Variants in ZBTB20 observed in about 807,000 individuals in gnomAD.
ZBTB20 encodes the protein zinc finger and BTB domain containing 20.
Under a neutral mutation model 56.9 loss-of-function variants are expected in ZBTB20, and 9 were observed. The observed-to-expected ratio is 0.16, with a 90% confidence interval of 0.10 to 0.28. The LOEUF (loss-of-function observed/expected upper bound fraction) is 0.28. ZBTB20 is among the 10% of genes least tolerant of loss of function. ZBTB20 has a pLI of 1.00. For missense variants in ZBTB20, 655 were observed against 1,003.0 expected (o/e 0.65, Z 4.69); for synonymous variants, 417 against 420.7 (o/e 0.99, Z 0.11).
intron 2 of ZBTB20, among the ~76,000 whole-genome samples, chr3:115,050,466 A>C (rs184667019): frequency 1.3e-5 from 2 of 152,086 alleles, no homozygotes; most frequent in African/African-American, 4.8e-5. Context: ...TGAATGAATT[A>C]AGCTCTCTTC....
chr3:114,622,133 C>T (rs1299698961), intron 6 of ZBTB20, among the ~76,000 whole-genome samples: 1 of 152,052 alleles, frequency 6.6e-6, no homozygotes, highest in Non-Finnish European at 1.5e-5. Context: ...TTGCCTTCAA[C>T]GCAGTTCTAA....
chr3:114,804,641 T>C (rs1371776439), intron 4 of ZBTB20, among the ~76,000 whole-genome samples: 1 of 151,894 alleles, frequency 6.6e-6, no homozygotes, highest in African/African-American at 2.4e-5. Flanking sequence ...TAAAAACTTT[T>C]TATTATAAAA....
intron 5 of ZBTB20, among the ~76,000 whole-genome samples, chr3:114,792,762 T>C (rs544069936): frequency 1.5e-3 from 232 of 152,308 alleles, no homozygotes; most frequent in African/African-American, 5.4e-3. Context: ...TCCATCTCTC[T>C]GTCCTGGTTT....
chr3:114,523,605 A>G (rs1368467482), intron 6 of ZBTB20, among the ~76,000 whole-genome samples: 2 of 152,216 alleles, frequency 1.3e-5, no homozygotes, highest in African/African-American at 4.8e-5. Context: ...CTAAGGCACA[A>G]TGAGGGATGG....
intron 6 of ZBTB20, among the ~76,000 whole-genome samples, chr3:114,617,274 C>T (rs1387550550): frequency 1.3e-5 from 2 of 152,198 alleles, no homozygotes; most frequent in Admixed American, 6.5e-5. Context: ...CCCTACTACA[C>T]ATAAGTGATA....
At chr3:114,826,150 G>A (rs557792229) in intron 4 of ZBTB20, among the ~76,000 whole-genome samples, 1 of 151,748 alleles carries the variant, frequency 6.6e-6, no homozygotes, top group Non-Finnish European at 1.5e-5. Context: ...GTATACTAAG[G>A]TCACAGGTGG....
chr3:114,348,676 T>G (rs1009021772), intron 11 of ZBTB20, among the ~76,000 whole-genome samples: 2 of 152,224 alleles, frequency 1.3e-5, no homozygotes, highest in African/African-American at 2.4e-5. Flanking sequence ...AAGTTCATCT[T>G]AAGCAACGTT....
chr3:115,022,612 C>G (rs1380124051), intron 2 of ZBTB20, among the ~76,000 whole-genome samples: 1 of 150,952 alleles, frequency 6.6e-6, no homozygotes, highest in African/African-American at 2.4e-5. Context: ...ATTTCTTCAC[C>G]TCCAACTCTA....
At chr3:114,443,543 G>T (rs531383724) in intron 7 of ZBTB20, among the ~76,000 whole-genome samples, 1 of 152,034 alleles carries the variant, frequency 6.6e-6, no homozygotes, top group Non-Finnish European at 1.5e-5. Context: ...ATCTTTGTAG[G>T]GAAATAATAG....
chr3:114,607,638 C>A (rs2057272422), intron 6 of ZBTB20, among the ~76,000 whole-genome samples: 1 of 152,098 alleles, frequency 6.6e-6, no homozygotes, highest in African/African-American at 2.4e-5. Context: ...CAGTATGTAT[C>A]ATGTGACAAA....
intron 3 of ZBTB20, among the ~76,000 whole-genome samples, chr3:114,967,492 T>C (rs1262117034): frequency 6.6e-6 from 1 of 152,188 alleles, no homozygotes; most frequent in Non-Finnish European, 1.5e-5. Flanking sequence ...ACAGTTTACA[T>C]TCTCCCACAC....
chr3:114,651,096 T>G (rs2107997463), intron 6 of ZBTB20, among the ~76,000 whole-genome samples: 1 of 152,216 alleles, frequency 6.6e-6, no homozygotes, highest in Admixed American at 6.5e-5. Context: ...CATCTGGCAT[T>G]GATAGACTGG....
intron 6 of ZBTB20, among the ~76,000 whole-genome samples, chr3:114,570,420 ATATAT>A (rs561015619): frequency 4.6e-5 from 7 of 150,762 alleles, no homozygotes; most frequent in Non-Finnish European, 8.9e-5. Flanking sequence ...ATACAATATG[ATATAT>A]TATAATACAT....
chr3:114,740,095 T>A (rs2066466416), intron 5 of ZBTB20, among the ~76,000 whole-genome samples: 1 of 152,236 alleles, frequency 6.6e-6, no homozygotes, highest in African/African-American at 2.4e-5. Flanking sequence ...CAGTTTTCTT[T>A]TTTAACAGCT....
intron 5 of ZBTB20, among the ~76,000 whole-genome samples, chr3:114,746,336 C>G (rs374138044): frequency 3.9e-4 from 60 of 152,148 alleles, no homozygotes; most frequent in African/African-American, 1.4e-3. Flanking sequence ...TTCCCCCATT[C>G]CCCTTTTTCT....
intron 4 of ZBTB20, among the ~76,000 whole-genome samples, chr3:114,874,306 A>G (rs1407298763): frequency 2.0e-5 from 3 of 152,212 alleles, no homozygotes; most frequent in East Asian, 3.8e-4. Context: ...CATTCAAACA[A>G]GTAGATATCA....
intron 2 of ZBTB20, among the ~76,000 whole-genome samples, chr3:115,039,276 A>G (rs1686692210): frequency 6.6e-6 from 1 of 152,068 alleles, no homozygotes; most frequent in African/African-American, 2.4e-5. Context: ...ACATATTTGG[A>G]ATGGTAGAAA....
intron 2 of ZBTB20, among the ~76,000 whole-genome samples, chr3:115,009,258 A>G (rs2079601220): frequency 6.6e-6 from 1 of 151,774 alleles, no homozygotes; most frequent in South Asian, 2.1e-4. Flanking sequence ...CTTAATCTAT[A>G]TGGTTAAAAA....
At chr3:114,998,331 T>A (rs2079110058) in intron 2 of ZBTB20, among the ~76,000 whole-genome samples, 1 of 151,800 alleles carries the variant, frequency 6.6e-6, no homozygotes, top group Non-Finnish European at 1.5e-5. Flanking sequence ...AAAATCAAGA[T>A]ACAAAGCTGT....
Sources: gnomAD v4.1 joint callset for allele counts (sites outside exome capture counted in the v4.1 genomes callset) on GRCh38, gnomAD v4.1.1 for gene constraint, MANE v1.5 for transcripts, NCBI Gene and HGNC (gene_info 2026-07-23, HGNC 2026-07-21) for gene names.